The following TTLL8 variants were observed in gnomAD, a reference collection of about 807,000 sequenced individuals.
The protein encoded by TTLL8 is tubulin tyrosine ligase like 8.
In TTLL8, 65 loss-of-function variants were observed where a neutral mutation model predicts 77.8. The observed-to-expected ratio is 0.84, with a 90% CI of 0.68 to 1.03. The LOEUF (loss-of-function observed/expected upper bound fraction) is 1.03, where lower values mean the gene tolerates loss of function less well. Among genes scored for constraint, TTLL8 ranks in the 50% least tolerant of loss-of-function variants. The pLI is 0.00. For synonymous variants in TTLL8, 402 were observed against 422.8 expected (o/e 0.95, Z 0.60); for missense variants, 910 against 1,004.5 (o/e 0.91, Z 1.27).
intron 6 of TTLL8, among the ~76,000 whole-genome samples, chr22:50,043,358 CTT>C (rs2061385391): frequency 1.1e-5 from 1 of 92,466 alleles, no homozygotes; most frequent in African/African-American, 4.6e-5. Context: ...CCGAGACACC[CTT>C]CGGTAGATGG....
chr22:50,054,563 G>A, intron 1 of TTLL8: 1 of 237,152 alleles, frequency 4.2e-6, no homozygotes, highest in South Asian at 6.8e-5. Flanking sequence ...GAGCTGGGGT[G>A]TGGGGAACCT....
intron 9 of TTLL8, among the ~76,000 whole-genome samples, chr22:50,033,801 G>A (rs754961555): frequency 1.8e-4 from 27 of 152,188 alleles, no homozygotes; most frequent in Non-Finnish European, 3.2e-4. Context: ...TTGGGAGGCC[G>A]AGGCAGGTGA....
At chr22:50,036,251 C>A (rs992029054) in intron 8 of TTLL8, among the ~76,000 whole-genome samples, 1 of 152,228 alleles carries the variant, frequency 6.6e-6, no homozygotes, top group Non-Finnish European at 1.5e-5. Context: ...CTCCCCTGGA[C>A]GCCCACCCTC....
intron 12 of TTLL8, among the ~76,000 whole-genome samples, chr22:50,018,779 C>T (rs550442550): frequency 2.6e-5 from 4 of 152,286 alleles, no homozygotes; most frequent in East Asian, 1.9e-4. Flanking sequence ...GAGAATCTGA[C>T]GCTGTCATGA....
intron 3 of TTLL8, among the ~76,000 whole-genome samples, chr22:50,047,522 C>T (rs1387511677): frequency 3.3e-5 from 5 of 152,190 alleles, no homozygotes; most frequent in Non-Finnish European, 5.9e-5. Flanking sequence ...CTCTGGGGGG[C>T]CACCCCGATG....
chr22:50,023,995 G>A (rs937101445), intron 12 of TTLL8, among the ~76,000 whole-genome samples: 19 of 152,038 alleles, frequency 1.2e-4, no homozygotes, highest in Non-Finnish European at 1.9e-4. Context: ...ACTCCAGCCC[G>A]GGCAACTGTG....
intron 8 of TTLL8, among the ~76,000 whole-genome samples, chr22:50,036,652 TGCAGTG>T (rs967971508): frequency 6.6e-5 from 10 of 151,676 alleles, no homozygotes; most frequent in African/African-American, 2.4e-4. Flanking sequence ...CAGGCTTGAG[TGCAGTG>T]GCACGATCTT....
rs544731961 is a variant in TTLL8 at position 50,044,817 on chromosome 22, CA to C, written c.643+437del. On this transcript the variant is annotated intron_variant, in intron 6 of 13. Coordinates refer to ENST00000266182, the Ensembl canonical transcript of TTLL8. This position sits in a 1 kb window ranked among gnomAD's most constrained non-coding sequence, Gnocchi z 4.2. ...CCACAAAAAAGATTTGGGTTTTGTC[CA>C]AAAACACGACGGCTGGTTCACATCC... Among the ~76,000 whole-genome samples, 34 of 152,206 alleles carry C rather than the reference CA, an allele frequency of 2.2e-4. 2 individuals are homozygous for C. The highest frequency in any genetic ancestry group is 2.2e-3 in the Admixed American group (34 of 15,286).
At chr22:50,037,694 A>G (rs2061346217) in intron 8 of TTLL8, among the ~76,000 whole-genome samples, 2 of 152,164 alleles carry the variant, frequency 1.3e-5, no homozygotes, top group South Asian at 4.1e-4. Flanking sequence ...GTGAACACAG[A>G]TAGGAGGGTC....
In TTLL8 at chr22:50,045,983, T is replaced by C. The variant is rs531816154; in HGVS notation, c.394-13A>G. 32 of 1,341,466 alleles carry C rather than the reference T, an allele frequency of 2.4e-5. No individual in the cohort carries two copies. In the South Asian group the frequency reaches 3.2e-4, roughly 13 times the overall value. The allele number at this position is 1,341,466 out of a possible 1,614,324, so 83.1% of individuals were successfully genotyped here. On this transcript the variant is annotated splice_polypyrimidine_tract_variant and intron_variant, in intron 4 of 13. Coordinates refer to ENST00000266182, the Ensembl canonical transcript of TTLL8. ...CGCACAGCCCGATCTCCAGAGACAG[T>C]GGCGTGTTAGGCAGGAGGGGCAGCT...
At position 50,030,415 on chromosome 22, in the gene TTLL8, G is replaced by A. The variant is rs780098084; in HGVS notation, c.2203+15C>T. On this transcript the variant is annotated intron_variant, in intron 12 of 13. Coordinates refer to ENST00000266182, the Ensembl canonical transcript of TTLL8. Reference sequence around the variant, plus strand: ...GCCCCCAAGCCCACAGCGCACCGCCGGCGGCGCAGGTTACCTTTTCCTCCG... The same window carrying A: ...GCCCCCAAGCCCACAGCGCACCGCCAGCGGCGCAGGTTACCTTTTCCTCCG... The A allele has an allele frequency of 3.8e-6, 5 of 1,305,814 alleles. No individual in the cohort carries two copies. Among genetic ancestry groups the A allele is most frequent in the Admixed American group, 4.3e-5 (2 of 46,526 alleles). The allele number at this position is 1,305,814 out of a possible 1,614,324, so 80.9% of individuals were successfully genotyped here. A position where few individuals can be genotyped will look rare whatever the true frequency, so the allele number is the denominator to read the frequency against.
rs201710741 is a variant in TTLL8, at chr22:50,041,808, C to G, written c.644-1G>C. The G allele has an allele frequency of 1.2e-3, 1,693 of 1,360,146 alleles. 34 individuals are homozygous for G. The South Asian group carries it at 0.018, about 14-fold the overall frequency. 84.3% of individuals were successfully genotyped at this position (1,360,146 alleles called of 1,614,324 possible). ...AGCTTTGCCTCAGCATTTTCAGCAT[C>G]TGAAACCCAGACACAGGCACATGCA... On this transcript the variant is annotated splice_acceptor_variant, in intron 6 of 13. Coordinates refer to ENST00000266182, the Ensembl canonical transcript of TTLL8. LOFTEE classifies it high-confidence loss of function. The surrounding 1 kb of genome is among the most constrained non-coding windows in gnomAD (Gnocchi z 4.3).
rs11101957 is a variant in TTLL8, at chr22:50,029,445, A to G, written c.2203+985T>C. Among the ~76,000 whole-genome samples, 519 of 141,992 alleles carry G rather than the reference A, an allele frequency of 3.7e-3. 9 individuals carry two copies. Among genetic ancestry groups the G allele is most frequent in the South Asian group, 0.015 (62 of 4,192 alleles). 93.2% of individuals were successfully genotyped at this position (141,992 alleles called of 152,430 possible). A position where few individuals can be genotyped will look rare whatever the true frequency, so the allele number is the denominator to read the frequency against. ...CGTAAAGACCCCATCACACCGTCCT[A>G]AAGACCCCCCCTATTGCCGGGCGCG... On this transcript the variant is annotated intron_variant, in intron 12 of 13. Transcript: ENST00000266182.
intron 8 of TTLL8, among the ~76,000 whole-genome samples, chr22:50,038,874 G>A (rs972601413): frequency 6.6e-6 from 1 of 151,918 alleles, no homozygotes; most frequent in South Asian, 2.1e-4. Context: ...ACTAGGACAG[G>A]TATTAAGTTT....
chr22:50,028,762 T>C (rs9617053), intron 12 of TTLL8, among the ~76,000 whole-genome samples: 324 of 9,340 alleles, frequency 0.035, 8 homozygotes, highest in South Asian at 0.077. Flanking sequence ...GACCCCCACA[T>C]ACCCTCGTAA....
chr22:50,040,410 A>G (rs1569228574), intron 8 of TTLL8, among the ~76,000 whole-genome samples: 1 of 152,390 alleles, frequency 6.6e-6, no homozygotes, highest in East Asian at 1.9e-4. Context: ...GTTGGGCACA[A>G]GAAGTCATAA....
At chr22:50,057,051 C>T, upstream of TTLL8, 1 of 1,044,622 alleles carries the variant, frequency 9.6e-7, no homozygotes, top group Non-Finnish European at 1.3e-6. Context: ...TTCTGAGGCC[C>T]AAGCTGAGGG....
At chr22:50,050,847 C>G (rs1053092454) in intron 1 of TTLL8, among the ~76,000 whole-genome samples, 2 of 152,232 alleles carry the variant, frequency 1.3e-5, no homozygotes, top group Non-Finnish European at 2.9e-5. Flanking sequence ...GACCCTTTCA[C>G]GTGGACCCCT....
At chr22:50,054,218 T>C (rs545059335) in intron 1 of TTLL8, among the ~76,000 whole-genome samples, 1 of 152,244 alleles carries the variant, frequency 6.6e-6, no homozygotes, top group East Asian at 1.9e-4. Context: ...CGACACACCA[T>C]CAAGACAAAG....
Sources: gnomAD v4.1 joint callset for allele counts (sites outside exome capture counted in the v4.1 genomes callset) on GRCh38, gnomAD v4.1.1 for gene constraint, Gnocchi (gnomAD v3.1) non-coding constraint, MANE v1.5 for transcripts, NCBI Gene and HGNC (gene_info 2026-07-23, HGNC 2026-07-21) for gene names.